Variants in PRKCZ observed in about 807,000 individuals in gnomAD.
PRKCZ encodes protein kinase C zeta type.
In PRKCZ, 33 loss-of-function variants were observed where a neutral mutation model predicts 79.5. That is an observed-to-expected ratio of 0.41 (90% CI 0.31 to 0.55). The LOEUF (loss-of-function observed/expected upper bound fraction) is 0.55. Ranked by LOEUF, PRKCZ falls within the 20% of genes least tolerant of loss-of-function variation. The pLI, the probability that PRKCZ is intolerant of heterozygous loss-of-function variation, is 0.19. For synonymous variants in PRKCZ, 342 were observed against 320.9 expected (o/e 1.07, Z -0.70); for missense variants, 578 against 813.5 (o/e 0.71, Z 3.52).
Position 2,128,426 on chromosome 1 carries a change from C to T in PRKCZ, c.335-6836C>T, listed in dbSNP as rs1164257100. ...GGCTGTCGCCTGTCCCAGCCTGCTG[C>T]TCCGAGTTTAGTGTTTTAAAACGTG... is the stretch of plus-strand genomic sequence containing the variant. On this transcript the variant is annotated intron_variant, in intron 4 of 17. Transcript: ENST00000378567. The surrounding 1 kb of genome is among the most constrained non-coding windows in gnomAD (Gnocchi z 6.5). Among the ~76,000 whole-genome samples, 1 of 152,240 alleles carries T rather than the reference C, an allele frequency of 6.6e-6. No homozygotes were observed. The highest frequency in any genetic ancestry group is 2.4e-5 in the African/African-American group (1 of 41,460).
At chr1:2,057,230 A>C (rs770571354) in intron 3 of PRKCZ, among the ~76,000 whole-genome samples, 5 of 152,166 alleles carry the variant, frequency 3.3e-5, no homozygotes, top group African/African-American at 1.2e-4. Flanking sequence ...TCAAAGCCCC[A>C]TGATGAGCTG....
At chr1:2,053,652 G>A (rs755571350) in intron 1 of PRKCZ, among the ~76,000 whole-genome samples, 33 of 152,300 alleles carry the variant, frequency 2.2e-4, no homozygotes, top group African/African-American at 7.0e-4. Context: ...TAGATTGGCC[G>A]GAAACTGGCT....
chr1:2,102,330 GT>G (rs1557561710), intron 4 of PRKCZ, among the ~76,000 whole-genome samples: 1 of 148,726 alleles, frequency 6.7e-6, no homozygotes, highest in South Asian at 2.1e-4. Context: ...TTTTTTGTTT[GT>G]TTTGTTTTGT....
intron 11 of PRKCZ, among the ~76,000 whole-genome samples, chr1:2,170,332 G>A (rs1240301730): frequency 6.6e-6 from 1 of 152,184 alleles, no homozygotes; most frequent in Non-Finnish European, 1.5e-5. Context: ...CAGCTCCCTG[G>A]ACCTTTCCTG....
At chr1:2,154,500 C>G (rs904152975) in intron 9 of PRKCZ, among the ~76,000 whole-genome samples, 3 of 152,056 alleles carry the variant, frequency 2.0e-5, no homozygotes, top group African/African-American at 7.2e-5. Context: ...CACGAAACTT[C>G]CGGGAGTGGG....
Position 2,174,912 on chromosome 1 carries a change from C to A in PRKCZ, c.1485+79C>A. On this transcript the variant is annotated intron_variant, in intron 15 of 17. Transcript: ENST00000378567. The surrounding 1 kb of genome is among the most constrained non-coding windows in gnomAD (Gnocchi z 6.2). ...GCAGAGGGCCAGGCACGGCTGTTGG[C>A]CATTTTTTCATGTCGGCTGCTGTGT... The A allele has an allele frequency of 6.9e-7, 1 of 1,447,128 alleles. No individual in the cohort carries two copies. The highest frequency in any genetic ancestry group is 9.7e-7 in the Non-Finnish European group (1 of 1,034,010). The allele number at this position is 1,447,128 out of a possible 1,614,324, so 89.6% of individuals were successfully genotyped here. A position where few individuals can be genotyped will look rare whatever the true frequency, so the allele number is the denominator to read the frequency against.
chr1:2,141,367 A>G (rs1677287921), intron 5 of PRKCZ: 1 of 142,770 alleles, frequency 7.0e-6, no homozygotes, highest in Admixed American at 7.2e-5. Flanking sequence ...TTTTTTTGAG[A>G]CACAGTCTCA....
chr1:2,117,998 C>CCTTTTTTTTTTTTTTTTTTTTT lies in PRKCZ; in HGVS notation c.335-17264_335-17263insCTTTTTTTTTTTTTTTTTTTTT, dbSNP rs58233626. Reference sequence around the variant, plus strand: ...TATGAGAGAGATTAGCCTATTATTTCTTTTTTTTTTTTTTTTGGAGTCTCA... The same window carrying CCTTTTTTTTTTTTTTTTTTTTT: ...TATGAGAGAGATTAGCCTATTATTTCCTTTTTTTTTTTTTTTTTTTTTTTTTTTTTTTTTTTTTGGAGTCTCA... On this transcript the variant is annotated intron_variant, in intron 4 of 17. Transcript: ENST00000378567. 6.1e-5 allele frequency among the ~76,000 whole-genome samples: 4 copies of CCTTTTTTTTTTTTTTTTTTTTT among 65,086 alleles called. 2 individuals are homozygous for CCTTTTTTTTTTTTTTTTTTTTT. Among genetic ancestry groups the CCTTTTTTTTTTTTTTTTTTTTT allele is most frequent in the African/African-American group, 1.2e-4 (2 of 16,196 alleles). The allele number at this position is 65,086 out of a possible 152,430, so 42.7% of individuals were successfully genotyped here. A position where few individuals can be genotyped will look rare whatever the true frequency, so the allele number is the denominator to read the frequency against.
intron 8 of PRKCZ, 40 bp from the exon 9 acceptor site, chr1:2,150,749 AC>A: frequency 1.3e-6 from 2 of 1,579,144 alleles, no homozygotes; most frequent in Non-Finnish European, 1.7e-6. Context: ...TCTCCCGGGA[AC>A]CCCCCTCTCA....
chr1:2,165,899 C>T lies in PRKCZ; in HGVS notation c.975-3619C>T, dbSNP rs985461175. On this transcript the variant is annotated intron_variant, in intron 10 of 17. Coordinates refer to ENST00000378567, the MANE Select transcript of PRKCZ (RefSeq NM_002744.6). This position sits in a 1 kb window ranked among gnomAD's most constrained non-coding sequence, Gnocchi z 4.1. ...CCTAGGAGGTTTTGTGAGCTTCCCT[C>T]AGCCCCCGGCCGCCCCCTAGGAGGT... is the stretch of plus-strand genomic sequence containing the variant. Among the ~76,000 whole-genome samples the T allele has an allele frequency of 2.2e-4, 33 of 152,104 alleles. No individual in the cohort carries two copies. Among genetic ancestry groups the T allele is most frequent in the African/African-American group, 8.0e-4 (33 of 41,432 alleles).
At position 2,075,534 on chromosome 1, in the gene PRKCZ, C is replaced by G. The variant is rs911686116; in HGVS notation, c.334+15943C>G. ...TTCCGCGTTCCTGTCCCAGCTGCAT[C>G]AGCCATCAGTGGGGGCCCTTCTCCG... On this transcript the variant is annotated intron_variant, in intron 4 of 17. Transcript: ENST00000378567. This position sits in a 1 kb window ranked among gnomAD's most constrained non-coding sequence, Gnocchi z 4.8. Among the ~76,000 whole-genome samples, 1 of 152,188 alleles carries G rather than the reference C, an allele frequency of 6.6e-6. No individual in the cohort carries two copies. The highest frequency in any genetic ancestry group is 2.4e-5 in the African/African-American group (1 of 41,422).
At position 2,150,995 on chromosome 1, in the gene PRKCZ, A is replaced by T. The variant is rs764800242; in HGVS notation, c.876+17A>T. On this transcript the variant is annotated intron_variant, in intron 9 of 17. Coordinates refer to ENST00000378567, the MANE Select transcript of PRKCZ (RefSeq NM_002744.6). ...GATGACGAGGTAGGTGCCGCTTCTC[A>T]TGGGGCCCGGGGGCCCGGGAACGCG... 2 of 1,611,956 alleles carry T rather than the reference A, an allele frequency of 1.2e-6. No homozygotes were observed. Among genetic ancestry groups the T allele is most frequent in the Non-Finnish European group, 1.7e-6 (2 of 1,179,526 alleles).
intron 8 of PRKCZ, 58 bp downstream of exon 8, chr1:2,148,982 C>T: frequency 6.4e-7 from 1 of 1,558,224 alleles, no homozygotes; most frequent in Admixed American, 1.7e-5. Context: ...GTCTGTGAGC[C>T]TGTCTCTGGG....
intron 10 of PRKCZ, among the ~76,000 whole-genome samples, chr1:2,163,588 G>A (rs1192375211): frequency 6.6e-6 from 1 of 152,090 alleles, no homozygotes; most frequent in Non-Finnish European, 1.5e-5. Context: ...TTTCTGTTTT[G>A]CTATCAAGAA....
At chr1:2,121,951 C>T (rs796201903) in intron 4 of PRKCZ, among the ~76,000 whole-genome samples, 1 of 3,322 alleles carries the variant, frequency 3.0e-4, no homozygotes, top group Non-Finnish European at 4.9e-4. Flanking sequence ...GTTAGGGTCA[C>T]GGCGGTGGTT....
intron 4 of PRKCZ, among the ~76,000 whole-genome samples, chr1:2,080,236 G>C (rs916752248): frequency 7.0e-6 from 1 of 142,928 alleles, no homozygotes; most frequent in South Asian, 2.1e-4. Flanking sequence ...TTGAGCTGCT[G>C]TGTCCACCTG....
chr1:2,156,292 T>A, intron 10 of PRKCZ, 200 bp downstream of exon 10: 1 of 509,028 alleles, frequency 2.0e-6, no homozygotes, highest in Non-Finnish European at 3.6e-6. Context: ...TGAAGTTATT[T>A]AATTCCATTT....
At position 2,056,572 on chromosome 1, in the gene PRKCZ, T is replaced by C; in HGVS notation, c.282T>C (p.His94=). 1.9e-6 allele frequency: 3 copies of C among 1,612,918 alleles called. No individual in the cohort carries two copies. The highest frequency in any genetic ancestry group is 2.5e-6 in the Non-Finnish European group (3 of 1,179,446). Residue 94 remains histidine, a splice_region_variant and synonymous_variant, in exon 3 of 18, where the codon CAT becomes CAC. Transcript: ENST00000378567. ...RQCRDEGLII[H]VFPSTPEQPG... ...GCAGGGATGAAGGCCTCATCATTCA[T>C]GGTTAGTGGCGGGGTCTGTGGTGGG... is the stretch of plus-strand genomic sequence containing the variant.
chr1:2,093,379 G>A (rs142157969), intron 4 of PRKCZ, among the ~76,000 whole-genome samples: 4 of 152,112 alleles, frequency 2.6e-5, no homozygotes, highest in Admixed American at 1.3e-4. Flanking sequence ...TCAGACCGCC[G>A]GGGTGTGGAG....
Sources: allele counts gnomAD v4.1 joint callset (sites outside exome capture counted in the v4.1 genomes callset), GRCh38; gene constraint gnomAD v4.1.1; non-coding constraint Gnocchi (gnomAD v3.1); transcripts MANE v1.5; gene names NCBI Gene and HGNC (gene_info 2026-07-23, HGNC 2026-07-21).